Variants in FER observed in about 807,000 individuals in gnomAD.
FER encodes tyrosine-protein kinase Fer.
Under a neutral mutation model 111.0 loss-of-function variants are expected in FER, and 63 were observed. The ratio of observed to expected loss-of-function variants is 0.57; its 90% CI spans 0.46 to 0.70. The LOEUF (loss-of-function observed/expected upper bound fraction) is 0.70. Among genes scored for constraint, FER ranks in the 30% least tolerant of loss-of-function variants. FER has a pLI of 0.00. For missense variants in FER, 914 were observed against 954.0 expected, an observed-to-expected ratio of 0.96 and a Z score of 0.55; for synonymous variants, 327 against 313.9, an observed-to-expected ratio of 1.04 and a Z score of -0.44.
At chr5:109,157,958 T>C (rs1755583028) in intron 17 of FER, among the ~76,000 whole-genome samples, 1 of 152,112 alleles carries the variant, frequency 6.6e-6, no homozygotes, top group South Asian at 2.1e-4. Context: ...TATGGTATCA[T>C]AGAAAAGCCT....
At chr5:108,904,807 T>C (rs1750524896) in intron 10 of FER, among the ~76,000 whole-genome samples, 1 of 152,176 alleles carries the variant, frequency 6.6e-6, no homozygotes, top group South Asian at 2.1e-4. Context: ...TAGATATTAA[T>C]TATAACATTA....
intron 16 of FER, among the ~76,000 whole-genome samples, chr5:109,091,742 T>G (rs1746788849): frequency 6.6e-6 from 1 of 152,008 alleles, no homozygotes; most frequent in South Asian, 2.1e-4. Context: ...GTCATGAACT[T>G]TCAGGGGCCA....
At chr5:109,135,321 A>G (rs568620932) in intron 17 of FER, among the ~76,000 whole-genome samples, 2 of 152,320 alleles carry the variant, frequency 1.3e-5, no homozygotes, top group African/African-American at 4.8e-5. Flanking sequence ...ATTTTTACAG[A>G]TGAGGAAACT....
chr5:108,817,872 T>C (rs997057028), intron 3 of FER, among the ~76,000 whole-genome samples: 3 of 152,208 alleles, frequency 2.0e-5, no homozygotes, highest in Non-Finnish European at 4.4e-5. Flanking sequence ...CATGTATTAA[T>C]CTTAGTATAA....
chr5:108,870,858 T>C (rs1764533432), intron 6 of FER, among the ~76,000 whole-genome samples: 1 of 151,776 alleles, frequency 6.6e-6, no homozygotes, highest in African/African-American at 2.4e-5. Flanking sequence ...TGATTGGAGG[T>C]CAAGAGAAGA....
chr5:108,755,747 A>G (rs1427933846), intron 1 of FER, among the ~76,000 whole-genome samples: 6 of 151,318 alleles, frequency 4.0e-5, no homozygotes, highest in Non-Finnish European at 1.5e-5. Context: ...TGGCCTCCCA[A>G]AGTGCTGGGA....
At chr5:109,131,245 T>C (rs1266987788) in intron 17 of FER, among the ~76,000 whole-genome samples, 2 of 152,208 alleles carry the variant, frequency 1.3e-5, no homozygotes, top group African/African-American at 4.8e-5. Context: ...ATTTGAGCTT[T>C]AGATTAAGCC....
intron 13 of FER, among the ~76,000 whole-genome samples, chr5:108,997,123 T>C (rs937716391): frequency 2.6e-5 from 4 of 151,966 alleles, no homozygotes; most frequent in African/African-American, 4.8e-5. Context: ...CCTGAGACTT[T>C]GCTAAAGTTG....
At chr5:109,133,408 C>T (rs1457616970) in intron 17 of FER, among the ~76,000 whole-genome samples, 1 of 152,092 alleles carries the variant, frequency 6.6e-6, no homozygotes, top group Non-Finnish European at 1.5e-5. Context: ...TTAGCTATTT[C>T]AGGACTTATT....
intron 3 of FER, among the ~76,000 whole-genome samples, chr5:108,820,875 C>T (rs1001015823): frequency 7.9e-5 from 12 of 152,282 alleles, no homozygotes; most frequent in African/African-American, 2.6e-4. Flanking sequence ...CCTGTAATCC[C>T]AGCACTTTGG....
chr5:109,180,553 T>C (rs1180810098), intron 17 of FER, among the ~76,000 whole-genome samples, 194 bp from the exon 18 acceptor site: 1 of 152,244 alleles, frequency 6.6e-6, no homozygotes, highest in African/African-American at 2.4e-5. Flanking sequence ...GCATGTGGCC[T>C]ACTCCATATG....
intron 5 of FER, chr5:108,842,793 C>T (rs564911712): frequency 3.3e-5 from 5 of 152,232 alleles, no homozygotes; most frequent in African/African-American, 7.2e-5. Flanking sequence ...CACTTCTACA[C>T]GGCTGGTGGG....
intron 13 of FER, among the ~76,000 whole-genome samples, chr5:109,035,653 G>C (rs1420439727): frequency 1.3e-5 from 2 of 152,084 alleles, no homozygotes; most frequent in Non-Finnish European, 2.9e-5. Flanking sequence ...TAATTCCTAG[G>C]AGAGCAATTT....
rs1771527938 is a variant in FER, at chr5:109,043,745, G to A, written c.1714-935G>A. ...CCCAGCATTTTGGAAGGCCAAGGCA[G>A]GCGGATCACGAGGTCAAGAGATCGA... On this transcript the variant is annotated intron_variant, in intron 14 of 19. Transcript: ENST00000281092. Among the ~76,000 whole-genome samples the A allele has an allele frequency of 1.3e-5, 2 of 152,182 alleles. 1 individual carries two copies. The highest frequency in any genetic ancestry group is 4.1e-4 in the South Asian group (2 of 4,832).
chr5:109,056,612 A>T (rs1773682165), intron 16 of FER, among the ~76,000 whole-genome samples: 3 of 152,168 alleles, frequency 2.0e-5, no homozygotes, highest in Admixed American at 1.3e-4. Flanking sequence ...CAAAGTAGGA[A>T]ATATGTAGAA....
intron 17 of FER, among the ~76,000 whole-genome samples, chr5:109,179,510 G>T (rs1483816038): frequency 6.6e-6 from 1 of 152,114 alleles, no homozygotes. Context: ...CTTTTAAAAT[G>T]TTAAACCAAC....
At chr5:108,900,286 C>A (rs59229445) in intron 10 of FER, among the ~76,000 whole-genome samples, 36,653 of 152,036 alleles carry the variant, frequency 0.24, 4,768 homozygotes, top group African/African-American at 0.33. Context: ...AAGAATACAT[C>A]TACATGTGTC....
intron 2 of FER, among the ~76,000 whole-genome samples, chr5:108,782,306 G>A (rs1469627376): frequency 3.3e-5 from 5 of 150,416 alleles, no homozygotes; most frequent in Non-Finnish European, 7.4e-5. Context: ...TTTTTTAAGA[G>A]ATGAAATTTT....
At chr5:108,753,294 A>G (rs755610276) in intron 1 of FER, among the ~76,000 whole-genome samples, 5 of 152,184 alleles carry the variant, frequency 3.3e-5, no homozygotes, top group Non-Finnish European at 7.4e-5. Flanking sequence ...ATTTAAATTT[A>G]CAATAAATTT....
Sources: allele counts gnomAD v4.1 joint callset (sites outside exome capture counted in the v4.1 genomes callset), GRCh38; gene constraint gnomAD v4.1.1; transcripts MANE v1.5; gene names NCBI Gene and HGNC (gene_info 2026-07-23, HGNC 2026-07-21).